ADAMTS12: variants seen among roughly 807,000 people sequenced by gnomAD.
ADAMTS12 encodes A disintegrin and metalloproteinase with thrombospondin motifs 12.
A neutral mutation model predicts 167.8 loss-of-function variants in ADAMTS12; 118 were observed. That is an observed-to-expected ratio of 0.70 (90% CI 0.61 to 0.82). The LOEUF (loss-of-function observed/expected upper bound fraction) is 0.82, where lower values mean the gene tolerates loss of function less well. Among genes scored for constraint, ADAMTS12 ranks in the 40% least tolerant of loss-of-function variants. The pLI is 0.00. For synonymous variants in ADAMTS12, 704 were observed against 716.9 expected (o/e 0.98, Z 0.29); for missense variants, 1,916 against 1,998.8 (o/e 0.96, Z 0.79).
At chr5:33,727,856 T>A (rs1347072006) in intron 3 of ADAMTS12, among the ~76,000 whole-genome samples, 1 of 152,236 alleles carries the variant, frequency 6.6e-6, no homozygotes, top group East Asian at 1.9e-4. Flanking sequence ...TTATGTTTAC[T>A]TATTTGTAAT....
intron 5 of ADAMTS12, 125 bp from the exon 6 acceptor site, chr5:33,662,165 G>T (rs985437443): frequency 2.3e-6 from 3 of 1,283,520 alleles, no homozygotes; most frequent in Non-Finnish European, 3.2e-6. Flanking sequence ...TCAGACATTT[G>T]GCAGTCATGT....
intron 3 of ADAMTS12, among the ~76,000 whole-genome samples, chr5:33,714,445 A>C (rs7721240): frequency 0.86 from 130,857 of 152,134 alleles, 56,556 homozygotes; most frequent in Non-Finnish European, 0.89. Flanking sequence ...AACCCCACTA[A>C]TATCTTTTTA....
chr5:33,867,653 A>G (rs1049492618), intron 2 of ADAMTS12, among the ~76,000 whole-genome samples: 1 of 152,144 alleles, frequency 6.6e-6, no homozygotes, highest in African/African-American at 2.4e-5. Context: ...ACACACACAC[A>G]TATATAAAAA....
chr5:33,643,176 C>T (rs986297880), intron 10 of ADAMTS12, among the ~76,000 whole-genome samples: 1 of 152,204 alleles, frequency 6.6e-6, no homozygotes, highest in Non-Finnish European at 1.5e-5. Flanking sequence ...GGACCTCAGC[C>T]CTCCCTCCTT....
chr5:33,674,005 G>C lies in ADAMTS12; in HGVS notation c.915+9013C>G, dbSNP rs76199178. ...TTGGTTCACAGCACTTGCTGTGCAA[G>C]GTCGTAATAATCAAATTGTATGCCT... On this transcript the variant is annotated intron_variant, in intron 5 of 23. Transcript: ENST00000504830. Among the ~76,000 whole-genome samples the C allele has an allele frequency of 3.9e-5, 6 of 152,226 alleles. No homozygotes were observed. The East Asian group carries it at 1.2e-3, about 29-fold the overall frequency.
intron 2 of ADAMTS12, among the ~76,000 whole-genome samples, chr5:33,865,934 A>G (rs1475145433): frequency 6.6e-6 from 1 of 152,204 alleles, no homozygotes; most frequent in African/African-American, 2.4e-5. Context: ...GGAGAACTAT[A>G]AAACACTGCT....
At chr5:33,886,515 T>C (rs1750644182) in intron 1 of ADAMTS12, among the ~76,000 whole-genome samples, 6 of 152,176 alleles carry the variant, frequency 3.9e-5, no homozygotes, top group Admixed American at 2.6e-4. Context: ...CCACACTTCA[T>C]TAGTAAATAA....
chr5:33,862,624 G>A (rs1204345170), intron 2 of ADAMTS12, among the ~76,000 whole-genome samples: 3 of 152,144 alleles, frequency 2.0e-5, no homozygotes, highest in Non-Finnish European at 2.9e-5. Flanking sequence ...ACAAAGAGGA[G>A]CTGGTAGCAC....
At chr5:33,768,854 C>T (rs952470702) in intron 2 of ADAMTS12, among the ~76,000 whole-genome samples, 9 of 151,992 alleles carry the variant, frequency 5.9e-5, no homozygotes, top group African/African-American at 2.2e-4. Context: ...AAAATAACAG[C>T]CCCCTCAAAA....
intron 22 of ADAMTS12, among the ~76,000 whole-genome samples, chr5:33,542,776 C>T (rs1485772099): frequency 6.6e-6 from 1 of 152,106 alleles, no homozygotes; most frequent in East Asian, 1.9e-4. Context: ...GGGTACATAA[C>T]GAAATGAAGG....
At chr5:33,877,457 A>G (rs1270496023) in intron 2 of ADAMTS12, among the ~76,000 whole-genome samples, 1 of 152,214 alleles carries the variant, frequency 6.6e-6, no homozygotes, top group Non-Finnish European at 1.5e-5. Flanking sequence ...CAACAGCAAA[A>G]CCAAACCCAC....
chr5:33,648,015 A>C (rs1474555029), intron 9 of ADAMTS12, among the ~76,000 whole-genome samples: 1 of 152,168 alleles, frequency 6.6e-6, no homozygotes, highest in Non-Finnish European at 1.5e-5. Context: ...TTTTCTTCTT[A>C]TTCTGTACAT....
At position 33,631,474 on chromosome 5, in the gene ADAMTS12, ATTTTTTTT is replaced by A. The variant is rs1561182424; in HGVS notation, c.1889-569_1889-562del. On this transcript the variant is annotated intron_variant, in intron 12 of 23. Coordinates refer to ENST00000504830, the MANE Select transcript of ADAMTS12 (RefSeq NM_030955.4). Reference sequence around the variant, plus strand: ...CTTAGATTGACAACCATGTAGAAACATTTTTTTTGTTGAAGCTGAAGCCAACCTGCTTA... The same window carrying A: ...CTTAGATTGACAACCATGTAGAAACAGTTGAAGCTGAAGCCAACCTGCTTA... 3.3e-5 allele frequency among the ~76,000 whole-genome samples: 5 copies of A among 151,726 alleles called. No homozygotes were observed. The East Asian group carries it at 9.7e-4, about 30-fold the overall frequency.
chr5:33,613,274 C>A (rs1344321510), intron 16 of ADAMTS12, among the ~76,000 whole-genome samples: 1 of 152,204 alleles, frequency 6.6e-6, no homozygotes, highest in African/African-American at 2.4e-5. Flanking sequence ...TTGCATATGG[C>A]AATATTACTA....
chr5:33,866,401 A>G (rs1050778717), intron 2 of ADAMTS12, among the ~76,000 whole-genome samples: 7 of 152,212 alleles, frequency 4.6e-5, no homozygotes, highest in Admixed American at 3.9e-4. Context: ...CACATATAGA[A>G]GAATTAAACT....
chr5:33,586,925 T>C (rs1024551399), intron 18 of ADAMTS12, among the ~76,000 whole-genome samples: 1 of 152,216 alleles, frequency 6.6e-6, no homozygotes, highest in African/African-American at 2.4e-5. Flanking sequence ...TGTATGTAGG[T>C]ATATTTCTTT....
intron 19 of ADAMTS12, among the ~76,000 whole-genome samples, chr5:33,563,040 G>T (rs80337576): frequency 6.6e-6 from 1 of 152,166 alleles, no homozygotes; most frequent in Non-Finnish European, 1.5e-5. Context: ...CACAGAAAGA[G>T]AAAAGTAGAA....
chr5:33,690,870 C>T (rs1742525374), intron 3 of ADAMTS12, among the ~76,000 whole-genome samples: 1 of 152,128 alleles, frequency 6.6e-6, no homozygotes, highest in Admixed American at 6.5e-5. Context: ...TAGAAATGTG[C>T]TGATGCATTT....
At position 33,564,788 on chromosome 5, in the gene ADAMTS12, C is replaced by G. The variant is rs528773770; in HGVS notation, c.3973-3609G>C. Among the ~76,000 whole-genome samples, 61 of 152,274 alleles carry G rather than the reference C, an allele frequency of 4.0e-4. 2 individuals are homozygous for G. The South Asian group carries it at 0.011, about 26-fold the overall frequency. On this transcript the variant is annotated intron_variant, in intron 19 of 23. Coordinates refer to ENST00000504830, the MANE Select transcript of ADAMTS12 (RefSeq NM_030955.4). The stretch of plus-strand genomic sequence containing the variant: ...TTCAATGCTAGTTGCCGCCCCTTCC[C>G]CACATTGTTGTAACAAACAAAAGCA...
Sources: gnomAD v4.1 joint callset for allele counts (sites outside exome capture counted in the v4.1 genomes callset) on GRCh38, gnomAD v4.1.1 for gene constraint, MANE v1.5 for transcripts, NCBI Gene and HGNC (gene_info 2026-07-23, HGNC 2026-07-21) for gene names.